SBK3: variants seen among roughly 807,000 people sequenced by gnomAD.
SBK3 encodes uncharacterized serine/threonine-protein kinase SBK3.
Under a neutral mutation model 12.7 loss-of-function variants are expected in SBK3, and 16 were observed. The observed-to-expected ratio is 1.26, with a 90% CI of 0.86 to 1.92. The LOEUF (loss-of-function observed/expected upper bound fraction) is 1.92, where lower values mean the gene tolerates loss of function less well. SBK3 is among the 40% of genes most tolerant of loss of function. SBK3 has a pLI of 0.00. For synonymous variants in SBK3, 217 were observed against 213.6 expected (o/e 1.02, Z -0.14); for missense variants, 462 against 481.8 (o/e 0.96, Z 0.38).
Position 55,544,127 on chromosome 19 carries a change from C to A in SBK3, c.372G>T (p.Gly124=). ...TTTCCTGCAGCATCCCGCTGAGGTC[C>A]CCACAGGGCGCGTACTCCTGGGCGA... The part of the protein sequence containing the change: ...FAFAQEYAPC[G]DLSGMLQERG... Residue 124 remains glycine (G), a synonymous_variant, in exon 3 of 4, where the codon GGG becomes GGT. Transcript: ENST00000612221. 3 of 1,522,836 alleles carry A rather than the reference C, an allele frequency of 2.0e-6. No individual in the cohort carries two copies. Among genetic ancestry groups the A allele is most frequent in the Non-Finnish European group, 2.6e-6 (3 of 1,140,358 alleles). 94.3% of individuals were successfully genotyped at this position (1,522,836 alleles called of 1,614,324 possible).
intron 2 of SBK3, 39 bp from the exon 3 acceptor site, chr19:55,544,341 C>G: frequency 6.7e-7 from 1 of 1,485,342 alleles, no homozygotes; most frequent in Non-Finnish European, 9.0e-7. Context: ...TCAGGCGGCT[C>G]CAGTCCTGCT....
rs1025065104 is a variant in SBK3 at position 55,541,776 on chromosome 19, T to C, written c.400-250A>G. Among the ~76,000 whole-genome samples, 1 of 152,188 alleles carries C rather than the reference T, an allele frequency of 6.6e-6. No homozygotes were observed. The highest frequency in any genetic ancestry group is 2.4e-5 in the African/African-American group (1 of 41,436). On this transcript the variant is annotated intron_variant, in intron 3 of 3. Coordinates refer to ENST00000612221, the MANE Select transcript of SBK3 (RefSeq NM_001199824.2). This position sits in a 1 kb window ranked among gnomAD's most constrained non-coding sequence, Gnocchi z 5.3. ...GAATCTAGAACCCCAGACTAGTGGCTACCTCCAGTGTTCCCACCACATGCT... is the reference window on the plus strand; with the variant it reads ...GAATCTAGAACCCCAGACTAGTGGCCACCTCCAGTGTTCCCACCACATGCT...
chr19:55,541,395 G>A lies in SBK3; in HGVS notation c.531C>T (p.Ser177=), dbSNP rs1330930445. The A allele has an allele frequency of 1.3e-6, 2 of 1,535,710 alleles. No homozygotes were observed. Among genetic ancestry groups the A allele is most frequent in the African/African-American group, 2.7e-5 (2 of 73,038 alleles). Residue 177 remains serine, a synonymous_variant, in exon 4 of 4, where the codon AGC becomes AGT. Transcript: ENST00000612221. The surrounding 1 kb of genome is among the most constrained non-coding windows in gnomAD (Gnocchi z 5.3). The stretch of plus-strand genomic sequence containing the variant: ...GACCCAGGTCTCCCAGGGCCACACG[G>A]CTGCAGACCGGGTCGAAGACCAGCA... The part of the protein sequence containing the change: ...DNVLVFDPVC[S]RVALGDLGLT...
At position 55,545,321 on chromosome 19, in the gene SBK3, G is replaced by A. The variant is rs1330104711; in HGVS notation, c.45+178C>T. 5.0e-6 allele frequency: 3 copies of A among 603,012 alleles called. No individual in the cohort carries two copies. The highest frequency in any genetic ancestry group is 3.0e-5 in the Admixed American group (1 of 33,774). The allele number at this position is 603,012 out of a possible 1,614,324, so 37.4% of individuals were successfully genotyped here. On this transcript the variant is annotated intron_variant, in intron 1 of 3. Transcript: ENST00000612221. This position sits in a 1 kb window ranked among gnomAD's most constrained non-coding sequence, Gnocchi z 4.4. Reference sequence around the variant, plus strand: ...TGTTTCTGAGTCCAATTCTCTGGGGGCCTTGGTCTCGCTGTGTGTCCTTGG... The same window carrying A: ...TGTTTCTGAGTCCAATTCTCTGGGGACCTTGGTCTCGCTGTGTGTCCTTGG...
At chr19:55,542,097 A>C (rs1599949301) in intron 3 of SBK3, among the ~76,000 whole-genome samples, 1 of 152,320 alleles carries the variant, frequency 6.6e-6, no homozygotes, top group East Asian at 1.9e-4. Context: ...TCTCTAACTC[A>C]GAGGCTTTTC....
chr19:55,545,094 G>T lies in SBK3; in HGVS notation c.46-145C>A. 4.7e-6 allele frequency: 3 copies of T among 639,970 alleles called. No homozygotes were observed. The highest frequency in any genetic ancestry group is 7.9e-6 in the Non-Finnish European group (3 of 380,156). The allele number at this position is 639,970 out of a possible 1,614,324, so 39.6% of individuals were successfully genotyped here. On this transcript the variant is annotated intron_variant, in intron 1 of 3. Coordinates refer to ENST00000612221, the MANE Select transcript of SBK3 (RefSeq NM_001199824.2). This position sits in a 1 kb window ranked among gnomAD's most constrained non-coding sequence, Gnocchi z 4.4. The stretch of plus-strand genomic sequence containing the variant: ...CCCAGAGAGGAGGATGAGTCACAGT[G>T]ACTCACCCGGACTCGGGCCACCTGT...
At position 55,541,152 on chromosome 19, in the gene SBK3, C is replaced by G. The variant is rs757748419; in HGVS notation, c.774G>C (p.Trp258Cys). The change falls in exon 4 of 4, where the codon TGG becomes TGC. Residue 258 changes from tryptophan to cysteine, a missense_variant. Trp to Cys is a radical substitution (Grantham distance 215). Coordinates refer to ENST00000612221, the MANE Select transcript of SBK3 (RefSeq NM_001199824.2). This position sits in a 1 kb window ranked among gnomAD's most constrained non-coding sequence, Gnocchi z 5.3. ...GAGGTGGCTGAGGCTTGGTGGTCAC[C>G]CAGCCAGCGAAGGCCTCGAACTCAG... is the stretch of plus-strand genomic sequence containing the variant. Reference protein sequence around the residue: ...PNPEFEAFAGWVTTKPQPPQP... With the variant: ...PNPEFEAFAGCVTTKPQPPQP... 3 of 1,535,776 alleles carry G rather than the reference C, an allele frequency of 2.0e-6. No individual in the cohort carries two copies. Among genetic ancestry groups the G allele is most frequent in the South Asian group, 2.4e-5 (2 of 84,038 alleles).
chr19:55,540,903 A>C lies in SBK3; in HGVS notation c.1023T>G (p.Asp341Glu), dbSNP rs545358153. The part of the protein sequence containing the change: ...EGGSSLEEWT[D>E]EGDDSKSGGR... ...CACCACTTTTGCTGTCATCACCCTC[A>C]TCTGTCCACTCCTCCAGGCTTGAGC... is the stretch of plus-strand genomic sequence containing the variant. Residue 341 changes from aspartate to glutamate, a missense_variant, in exon 4 of 4, where the codon GAT (aspartate) becomes GAG (glutamate). Asp to Glu is a conservative substitution (Grantham distance 45). Coordinates refer to ENST00000612221, the MANE Select transcript of SBK3 (RefSeq NM_001199824.2). 2 of 1,536,014 alleles carry C rather than the reference A, an allele frequency of 1.3e-6. No individual in the cohort carries two copies. Among genetic ancestry groups the C allele is most frequent in the Non-Finnish European group, 1.7e-6 (2 of 1,146,862 alleles).
Position 55,544,796 on chromosome 19 carries a change from C to T in SBK3, c.196+3G>A. The T allele has an allele frequency of 6.7e-7, 1 of 1,493,670 alleles. No homozygotes were observed. Among genetic ancestry groups the T allele is most frequent in the Non-Finnish European group, 8.9e-7 (1 of 1,126,462 alleles). The allele number at this position is 1,493,670 out of a possible 1,614,324, so 92.5% of individuals were successfully genotyped here. On this transcript the variant is annotated splice_donor_region_variant and intron_variant, in intron 2 of 3. Transcript: ENST00000612221. ...GAGGCTGCCCTTGGGTGGCTGAACT[C>T]ACCCCCCTGGTGAGGCTGGGCAAGG...
chr19:55,540,758 G>A lies in SBK3; in HGVS notation c.*88C>T. 9.1e-7 allele frequency: 1 copy of A among 1,095,106 alleles called. No individual in the cohort carries two copies. Among genetic ancestry groups the A allele is most frequent in the Non-Finnish European group, 1.3e-6 (1 of 744,220 alleles). 67.8% of individuals were successfully genotyped at this position (1,095,106 alleles called of 1,614,324 possible). A position where few individuals can be genotyped will look rare whatever the true frequency, so the allele number is the denominator to read the frequency against. On this transcript the variant is annotated 3_prime_UTR_variant, in exon 4 of 4. Coordinates refer to ENST00000612221, the MANE Select transcript of SBK3 (RefSeq NM_001199824.2). ...AATGTGTTCCCTCTCTGTCCTCCCG[G>A]GTGCAGCTGTCTCTCCATCCAGGTG... is the stretch of plus-strand genomic sequence containing the variant.
intron 1 of SBK3, 38 bp from the exon 2 acceptor site, chr19:55,544,987 G>A: frequency 6.7e-7 from 1 of 1,487,468 alleles, no homozygotes; most frequent in Non-Finnish European, 8.9e-7. Flanking sequence ...GGGCGCGTCT[G>A]GGGTCCACTG....
intron 2 of SBK3, 102 bp downstream of exon 2, chr19:55,544,697 G>T: frequency 8.6e-7 from 1 of 1,166,516 alleles, no homozygotes; most frequent in Non-Finnish European, 1.2e-6. Flanking sequence ...ACTGAGAAGG[G>T]TCCCCATCAG....
In SBK3 at chr19:55,541,122, T is replaced by C. The variant is rs1240136306; in HGVS notation, c.804A>G (p.Pro268=). Residue 268 remains proline, a synonymous_variant, in exon 4 of 4, where the codon CCA becomes CCG. Transcript: ENST00000612221. This position sits in a 1 kb window ranked among gnomAD's most constrained non-coding sequence, Gnocchi z 5.3. The stretch of plus-strand genomic sequence containing the variant: ...GCGCAAACTGGTCCCAGGGTGGTGG[T>C]GGCTGAGGTGGCTGAGGCTTGGTGG... ...WVTTKPQPPQ[P]PPPWDQFAPP... The C allele has an allele frequency of 3.3e-6, 5 of 1,535,364 alleles. No homozygotes were observed. In the South Asian group the frequency reaches 4.8e-5, roughly 15 times the overall value.
rs1238860831 is a variant in SBK3, at chr19:55,540,816, A to C, written c.*30T>G. 1 of 1,529,434 alleles carries C rather than the reference A, an allele frequency of 6.5e-7. No individual in the cohort carries two copies. Among genetic ancestry groups the C allele is most frequent in the African/African-American group, 1.4e-5 (1 of 72,866 alleles). The allele number at this position is 1,529,434 out of a possible 1,614,324, so 94.7% of individuals were successfully genotyped here. On this transcript the variant is annotated 3_prime_UTR_variant, in exon 4 of 4. Transcript: ENST00000612221. ...GGGCTGGGGGAAGGGCCTCTGGCCC[A>C]GGCTCTGGCCACCTGTCTCTGTCAC...
chr19:55,544,948 T>C lies in SBK3; in HGVS notation c.47A>G (p.Glu16Gly). 1 of 1,529,086 alleles carries C rather than the reference T, an allele frequency of 6.5e-7. No individual in the cohort carries two copies. The highest frequency in any genetic ancestry group is 8.7e-7 in the Non-Finnish European group (1 of 1,144,042). The allele number at this position is 1,529,086 out of a possible 1,614,324, so 94.7% of individuals were successfully genotyped here. A position where few individuals can be genotyped will look rare whatever the true frequency, so the allele number is the denominator to read the frequency against. The change falls in exon 2 of 4, where the codon GAG becomes GGG. Residue 16 changes from glutamate (E) to glycine (G), a missense_variant and splice_region_variant. Transcript: ENST00000612221. ...CCGTTGGAGGGCTGTGGCTGTGTCC[T>C]CCTACGGGAGAGGGGCAGGGTGAGG... Reference protein sequence around the residue: ...SETPEDGDPEEDTATALQRLV... With the variant: ...SETPEDGDPEGDTATALQRLV...
chr19:55,540,725 G>C lies in SBK3; in HGVS notation c.*121C>G, dbSNP rs1988539798. ...GCGTCCAAGCCCAGCGTTCCGTAGG[G>C]AGAGTGCAATGTGTTCCCTCTCTGT... is the stretch of plus-strand genomic sequence containing the variant. On this transcript the variant is annotated 3_prime_UTR_variant, in exon 4 of 4. Coordinates refer to ENST00000612221, the MANE Select transcript of SBK3 (RefSeq NM_001199824.2). 2 of 854,896 alleles carry C rather than the reference G, an allele frequency of 2.3e-6. No individual in the cohort carries two copies. Among genetic ancestry groups the C allele is most frequent in the African/African-American group, 1.7e-5 (1 of 60,048 alleles). The allele number at this position is 854,896 out of a possible 1,614,324, so 53.0% of individuals were successfully genotyped here.
rs1309787428 is a variant in SBK3 at position 55,541,144 on chromosome 19, G to C, written c.782C>G (p.Thr261Ser). The C allele has an allele frequency of 6.5e-7, 1 of 1,535,692 alleles. No individual in the cohort carries two copies. The highest frequency in any genetic ancestry group is 1.4e-5 in the African/African-American group (1 of 73,028). Reference sequence around the variant, plus strand: ...TGGTGGCTGAGGTGGCTGAGGCTTGGTGGTCACCCAGCCAGCGAAGGCCTC... The same window carrying C: ...TGGTGGCTGAGGTGGCTGAGGCTTGCTGGTCACCCAGCCAGCGAAGGCCTC... ...EFEAFAGWVT[T>S]KPQPPQPPPP... The change falls in exon 4 of 4, where the codon ACC becomes AGC. Residue 261 changes from threonine to serine, a missense_variant. Transcript: ENST00000612221. The surrounding 1 kb of genome is among the most constrained non-coding windows in gnomAD (Gnocchi z 5.3).
rs1203709560 is a variant in SBK3, at chr19:55,545,505, G to A, written c.39C>T (p.Asp13=). The A allele has an allele frequency of 6.5e-7, 1 of 1,533,276 alleles. No homozygotes were observed. The highest frequency in any genetic ancestry group is 2.0e-5 in the Admixed American group (1 of 50,788). 95.0% of individuals were successfully genotyped at this position (1,533,276 alleles called of 1,614,324 possible). ...CCTGGCTCCCGTCTCTCACCTCTGG[G>A]TCCCCATCCTCAGGGGTCTCGGAGG... is the stretch of plus-strand genomic sequence containing the variant. ...RRASETPEDG[D]PEEDTATALQ... is the part of the protein sequence containing the mutation. The change falls in exon 1 of 4, where the codon GAC becomes GAT. Residue 13 remains aspartate (D), a synonymous_variant. Transcript: ENST00000612221. The surrounding 1 kb of genome is among the most constrained non-coding windows in gnomAD (Gnocchi z 4.4).
At position 55,545,031 on chromosome 19, in the gene SBK3, C is replaced by T; in HGVS notation, c.46-82G>A. ...GGGGGAGGAGGTCACGGCGCAGCCC[C>T]AGGATGGAGGGTGGGGCAGGGGACA... On this transcript the variant is annotated intron_variant, in intron 1 of 3. Coordinates refer to ENST00000612221, the MANE Select transcript of SBK3 (RefSeq NM_001199824.2). The surrounding 1 kb of genome is among the most constrained non-coding windows in gnomAD (Gnocchi z 4.4). 9.0e-7 allele frequency: 1 copy of T among 1,105,116 alleles called. No homozygotes were observed. The highest frequency in any genetic ancestry group is 1.3e-6 in the Non-Finnish European group (1 of 788,992). The allele number at this position is 1,105,116 out of a possible 1,614,324, so 68.5% of individuals were successfully genotyped here.
Sources: allele counts gnomAD v4.1 joint callset (sites outside exome capture counted in the v4.1 genomes callset), GRCh38; gene constraint gnomAD v4.1.1; non-coding constraint Gnocchi (gnomAD v3.1); transcripts MANE v1.5; gene names NCBI Gene and HGNC (gene_info 2026-07-23, HGNC 2026-07-21).